BAIAP2L2: variants seen among roughly 807,000 people sequenced by gnomAD.
BAIAP2L2 encodes the protein BAR/IMD domain-containing adapter protein 2-like 2.
A neutral mutation model predicts 60.4 loss-of-function variants in BAIAP2L2; 65 were observed. The ratio of observed to expected loss-of-function variants is 1.08; its 90% CI spans 0.88 to 1.32. BAIAP2L2 has a LOEUF of 1.32. Among genes scored for constraint, BAIAP2L2 ranks in the 40% most tolerant of loss-of-function variants. The pLI, the probability that BAIAP2L2 is intolerant of heterozygous loss-of-function variation, is 0.00. For missense variants in BAIAP2L2, 836 were observed against 741.2 expected (o/e 1.13, Z -1.48); for synonymous variants, 344 against 301.7 (o/e 1.14, Z -1.45).
rs1262301395 is a variant in BAIAP2L2 at position 38,097,027 on chromosome 22, CT to C, written c.612+4del. 1.2e-6 allele frequency: 2 copies of C among 1,609,136 alleles called. No individual in the cohort carries two copies. The highest frequency in any genetic ancestry group is 2.7e-5 in the African/African-American group (2 of 74,886). ...CCCCGCTTGCTGCCCCCCAGTCCAACTCACCCGGCCGAAGAACTGCAGGAAG... is the reference window on the plus strand; with the variant it reads ...CCCCGCTTGCTGCCCCCCAGTCCAACCACCCGGCCGAAGAACTGCAGGAAG... On this transcript the variant is annotated splice_donor_region_variant and intron_variant, in intron 7 of 13. Coordinates refer to ENST00000381669, the MANE Select transcript of BAIAP2L2 (RefSeq NM_025045.6).
intron 4 of BAIAP2L2, among the ~76,000 whole-genome samples, chr22:38,103,660 C>T (rs2086608298): frequency 1.3e-5 from 2 of 151,986 alleles, no homozygotes; most frequent in Admixed American, 1.3e-4. Flanking sequence ...GTTAGGAGTT[C>T]GAGATCAGCC....
chr22:38,088,711 T>TGGGGGGGGGC, intron 10 of BAIAP2L2, 37 bp downstream of exon 10: 1 of 1,543,482 alleles, frequency 6.5e-7, no homozygotes, highest in Non-Finnish European at 8.7e-7. Context: ...GGCCTTCTTC[T>TGGGGGGGGGC]CAACCCACCC....
At chr22:38,106,238 G>A (rs183522206) in intron 4 of BAIAP2L2, among the ~76,000 whole-genome samples, 3 of 152,124 alleles carry the variant, frequency 2.0e-5, no homozygotes, top group Admixed American at 1.3e-4. Flanking sequence ...TTGTTCCCCC[G>A]CCAGGCGCGG....
At chr22:38,097,892 T>A (rs2086475973) in intron 6 of BAIAP2L2, among the ~76,000 whole-genome samples, 171 bp downstream of exon 6, 1 of 151,738 alleles carries the variant, frequency 6.6e-6, no homozygotes, top group Admixed American at 6.6e-5. Flanking sequence ...AGGAGCTAGT[T>A]ACGCCCACCC....
chr22:38,087,522 CCT>C (rs2086131480), intron 10 of BAIAP2L2, among the ~76,000 whole-genome samples: 1 of 152,094 alleles, frequency 6.6e-6, no homozygotes, highest in Non-Finnish European at 1.5e-5. Flanking sequence ...GGTGTGACAG[CCT>C]CCATCTAGAA....
rs749781093 is a variant in BAIAP2L2, at chr22:38,086,302, T to C, written c.1407A>G (p.Pro469=). Residue 469 remains proline (P), a synonymous_variant, in exon 12 of 14, where the codon CCA becomes CCG. Transcript: ENST00000381669. ...VPSRAPSPAP[P]PLPSSRRSSM... ...TGCTGCGGCGGCTGCTGGGCAAGGG[T>C]GGAGGTGCAGGGCTGGGGGCACGGC... 1 of 1,609,802 alleles carries C rather than the reference T, an allele frequency of 6.2e-7. No individual in the cohort carries two copies. Among genetic ancestry groups the C allele is most frequent in the Admixed American group, 1.7e-5 (1 of 59,766 alleles).
chr22:38,092,465 C>T (rs867962030), intron 7 of BAIAP2L2, among the ~76,000 whole-genome samples: 7 of 152,110 alleles, frequency 4.6e-5, no homozygotes, highest in South Asian at 2.1e-4. Flanking sequence ...TTAGTAGAGA[C>T]GGGGTTTCAC....
chr22:38,085,164 G>A lies in BAIAP2L2; in HGVS notation c.*136C>T. 1 of 859,580 alleles carries A rather than the reference G, an allele frequency of 1.2e-6. No individual in the cohort carries two copies. The highest frequency in any genetic ancestry group is 1.8e-6 in the Non-Finnish European group (1 of 548,546). The allele number at this position is 859,580 out of a possible 1,614,324, so 53.2% of individuals were successfully genotyped here. ...TTGGAGCTGCTCAGGCTGCCGGGGT[G>A]GTCTGGGGAGGGCAGCCACCCCCCG... On this transcript the variant is annotated 3_prime_UTR_variant, in exon 14 of 14. Transcript: ENST00000381669.
chr22:38,089,636 C>T lies in BAIAP2L2; in HGVS notation c.651G>A (p.Lys217=). The part of the protein sequence containing the change: ...GMLQNRVLLW[K]EQSEASRSPS... ...GGCTGCGGCTGGCCTCAGACTGCTCCTTCCACAGCAGCACGCGGTTCTGGA... is the reference window on the plus strand; with the variant it reads ...GGCTGCGGCTGGCCTCAGACTGCTCTTTCCACAGCAGCACGCGGTTCTGGA... The change falls in exon 8 of 14, where the codon AAG becomes AAA. Residue 217 remains lysine, a synonymous_variant. Transcript: ENST00000381669. 1 of 1,232,002 alleles carries T rather than the reference C, an allele frequency of 8.1e-7. No homozygotes were observed. Among genetic ancestry groups the T allele is most frequent in the Admixed American group, 4.2e-5 (1 of 23,664 alleles). The allele number at this position is 1,232,002 out of a possible 1,614,324, so 76.3% of individuals were successfully genotyped here.
chr22:38,097,248 G>A, intron 6 of BAIAP2L2, 70 bp from the exon 7 acceptor site: 1 of 1,563,224 alleles, frequency 6.4e-7, no homozygotes, highest in Non-Finnish European at 8.7e-7. Flanking sequence ...GCCCACAGGC[G>A]CCAGCTGTTC....
rs1802582333 is a variant in BAIAP2L2 at position 38,108,459 on chromosome 22, G to GCCCCTGAGGAGGGTGTGAC, written c.128-137_128-119dup. ...GGGTGGGGTGTGGGCATCTGTGTGTGCCCCTGAGGAGGGTGTGACCAGTTG... is the reference window on the plus strand; with the variant it reads ...GGGTGGGGTGTGGGCATCTGTGTGTGCCCCTGAGGAGGGTGTGACCCCCTGAGGAGGGTGTGACCAGTTG... On this transcript the variant is annotated intron_variant, in intron 2 of 13. Transcript: ENST00000381669. The GCCCCTGAGGAGGGTGTGAC allele has an allele frequency of 5.3e-6, 4 of 756,106 alleles. No homozygotes were observed. The South Asian group carries it at 7.3e-5, about 14-fold the overall frequency. 46.8% of individuals were successfully genotyped at this position (756,106 alleles called of 1,614,324 possible).
At chr22:38,086,062 T>TG (rs2086056006) in intron 12 of BAIAP2L2, among the ~76,000 whole-genome samples, 180 bp downstream of exon 12, 1 of 152,168 alleles carries the variant, frequency 6.6e-6, no homozygotes, top group Non-Finnish European at 1.5e-5. Flanking sequence ...CCTGGGACCC[T>TG]GGTCTTCCCC....
chr22:38,090,516 CCT>C (rs2086273120), intron 7 of BAIAP2L2: 1 of 124,174 alleles, frequency 8.1e-6, no homozygotes, highest in African/African-American at 2.5e-5. Flanking sequence ...AAGATCGCTC[CCT>C]CTTTTCAAAC....
At chr22:38,087,400 T>TTTAC (rs2086127045) in intron 10 of BAIAP2L2, 136 bp from the exon 11 acceptor site, 1 of 1,028,616 alleles carries the variant, frequency 9.7e-7, no homozygotes, top group African/African-American at 1.7e-5. Flanking sequence ...ATTCCGTATG[T>TTTAC]TTACTTCTGT....
Position 38,110,477 on chromosome 22 carries a change from T to A in BAIAP2L2, c.49A>T (p.Lys17Ter), listed in dbSNP as rs559138415. ...GGCTTGGCCACCCATGTGCTCACCT[T>A]GTAGATGGCCATGGTGGACCTGTAG... ...QFYRSTMAIY[K>*]SIMEQFNPAL... Residue 17 changes from lysine (K) to a stop codon, truncating the protein, a stop_gained and splice_region_variant, in exon 1 of 14, where the codon AAG becomes TAG. Coordinates refer to ENST00000381669, the MANE Select transcript of BAIAP2L2 (RefSeq NM_025045.6). LOFTEE classifies it high-confidence loss of function. 15 of 1,611,768 alleles carry A rather than the reference T, an allele frequency of 9.3e-6. No individual in the cohort carries two copies. In the East Asian group the frequency reaches 3.4e-4, roughly 36 times the overall value.
At chr22:38,109,650 C>T (rs939654376) in intron 1 of BAIAP2L2, among the ~76,000 whole-genome samples, 4 of 152,118 alleles carry the variant, frequency 2.6e-5, no homozygotes, top group African/African-American at 4.8e-5. Flanking sequence ...GGGCAGCTCT[C>T]GCCCTCCTCC....
Position 38,107,837 on chromosome 22 carries a change from G to A in BAIAP2L2, c.276+15C>T, listed in dbSNP as rs755295617. Reference sequence around the variant, plus strand: ...CCTCGAGTGACCCCTCCAGGCCCTGGGGCCTGATACTCACCACCACCTCCA... The same window carrying A: ...CCTCGAGTGACCCCTCCAGGCCCTGAGGCCTGATACTCACCACCACCTCCA... On this transcript the variant is annotated intron_variant, in intron 4 of 13. Transcript: ENST00000381669. 6.2e-7 allele frequency: 1 copy of A among 1,612,626 alleles called. No individual in the cohort carries two copies. Among genetic ancestry groups the A allele is most frequent in the Non-Finnish European group, 8.5e-7 (1 of 1,179,246 alleles).
In BAIAP2L2 at chr22:38,089,582, C is replaced by T; in HGVS notation, c.705G>A (p.Leu235=). Residue 235 remains leucine, a synonymous_variant, in exon 8 of 14, where the codon CTG becomes CTA. Transcript: ENST00000381669. ...SPSRAHSPGL[L]GPALGPPYPS... is the part of the protein sequence containing the mutation. ...GGTAGGGCGGCCCCAGCGCGGGGCC[C>T]AGCAGGCCGGGGGAGTGGGCGCGCG... 8.1e-7 allele frequency: 1 copy of T among 1,232,968 alleles called. No homozygotes were observed. Among genetic ancestry groups the T allele is most frequent in the East Asian group, 3.2e-5 (1 of 31,570 alleles). 76.4% of individuals were successfully genotyped at this position (1,232,968 alleles called of 1,614,324 possible).
intron 1 of BAIAP2L2, among the ~76,000 whole-genome samples, chr22:38,109,731 G>C (rs2086759120): frequency 6.6e-6 from 1 of 152,082 alleles, no homozygotes; most frequent in Admixed American, 6.5e-5. Context: ...GCCGGGCAGA[G>C]AGCTCCCCGG....
Sources: allele counts gnomAD v4.1 joint callset (sites outside exome capture counted in the v4.1 genomes callset), GRCh38; gene constraint gnomAD v4.1.1; transcripts MANE v1.5; gene names NCBI Gene and HGNC (gene_info 2026-07-23, HGNC 2026-07-21).